Variants in UBR1 observed in about 807,000 individuals in gnomAD.
UBR1 encodes E3 ubiquitin-protein ligase UBR1.
Under a neutral mutation model 242.1 loss-of-function variants are expected in UBR1, and 102 were observed. The observed-to-expected ratio is 0.42, with a 90% confidence interval of 0.36 to 0.50. The LOEUF (loss-of-function observed/expected upper bound fraction) is 0.50, where lower values mean the gene tolerates loss of function less well. Among genes scored for constraint, UBR1 ranks in the 20% least tolerant of loss-of-function variants. The probability of loss-of-function intolerance (pLI) is 0.01; values close to 1 mark genes in which losing one functional copy is unlikely to be tolerated. For synonymous variants in UBR1, 675 were observed against 684.8 expected (o/e 0.99, Z 0.22); for missense variants, 1,772 against 2,101.8 (o/e 0.84, Z 3.07).
rs188034879 is a variant in UBR1 at position 42,979,637 on chromosome 15, G to A, written c.4151-1690C>T. On this transcript the variant is annotated intron_variant, in intron 37 of 46. Coordinates refer to ENST00000290650, the MANE Select transcript of UBR1 (RefSeq NM_174916.3). ...GCAATCTCGGCTCACTACAACCTCC[G>A]CCTCCTCGGTTCAAGCAATCCTCCT... 3.6e-3 allele frequency among the ~76,000 whole-genome samples: 540 copies of A among 152,090 alleles called. 3 individuals carry two copies. Among genetic ancestry groups the A allele is most frequent in the Non-Finnish European group, 5.4e-3 (367 of 67,984 alleles).
At chr15:43,027,551 A>C (rs1206485559) in intron 22 of UBR1, among the ~76,000 whole-genome samples, 1 of 152,164 alleles carries the variant, frequency 6.6e-6, no homozygotes, top group Admixed American at 6.5e-5. Flanking sequence ...ATCACCTAAT[A>C]TCATAAATGA....
At chr15:42,961,485 G>A (rs1382465245) in intron 42 of UBR1, among the ~76,000 whole-genome samples, 5 of 149,436 alleles carry the variant, frequency 3.3e-5, no homozygotes, top group South Asian at 4.2e-4. Context: ...GTGCAATGGC[G>A]CGATCTTGGC....
chr15:43,046,642 T>C (rs1392538894), intron 14 of UBR1, among the ~76,000 whole-genome samples: 2 of 152,080 alleles, frequency 1.3e-5, no homozygotes, highest in Non-Finnish European at 2.9e-5. Flanking sequence ...GATGAGGGAA[T>C]TTAACTTAGA....
At chr15:43,065,287 T>G (rs1448972679) in intron 6 of UBR1, among the ~76,000 whole-genome samples, 1 of 152,220 alleles carries the variant, frequency 6.6e-6, no homozygotes, top group African/African-American at 2.4e-5. Context: ...TCTATTCTTT[T>G]TGCCTTTTCT....
chr15:43,014,703 T>C (rs2032984555), intron 29 of UBR1, among the ~76,000 whole-genome samples: 1 of 150,172 alleles, frequency 6.7e-6, no homozygotes, highest in Admixed American at 6.6e-5. Context: ...ATCTGAGAAG[T>C]GAGGAGCCCC....
chr15:43,002,393 G>A (rs1461584685), intron 32 of UBR1, among the ~76,000 whole-genome samples, 162 bp downstream of exon 32: 2 of 148,718 alleles, frequency 1.3e-5, no homozygotes, highest in East Asian at 2.0e-4. Flanking sequence ...TTTTTTTTTT[G>A]TATTTTTTGT....
chr15:43,025,409 T>C lies in UBR1; in HGVS notation c.2556A>G (p.Lys852=). ...QHSKAEHMQK[K]RRKQENKDEA... The stretch of plus-strand genomic sequence containing the variant: ...CATCTTTGTTTTCTTGTTTTCTCCT[T>C]TTCTTCTGCATATGTTCAGCCTATA... Residue 852 remains lysine (K), a synonymous_variant, in exon 24 of 47, where the codon AAA becomes AAG. Coordinates refer to ENST00000290650, the MANE Select transcript of UBR1 (RefSeq NM_174916.3). The C allele has an allele frequency of 6.2e-7, 1 of 1,608,686 alleles. No homozygotes were observed. The highest frequency in any genetic ancestry group is 8.5e-7 in the Non-Finnish European group (1 of 1,177,438).
chr15:43,092,095 C>G (rs1567150536), intron 1 of UBR1: 1 of 430,410 alleles, frequency 2.3e-6, no homozygotes, highest in Admixed American at 2.7e-5. Flanking sequence ...AAAAACAAAA[C>G]AAATTATACT....
At chr15:43,010,521 T>G (rs190828976) in intron 29 of UBR1, among the ~76,000 whole-genome samples, 3 of 152,238 alleles carry the variant, frequency 2.0e-5, no homozygotes, top group African/African-American at 7.2e-5. Flanking sequence ...CTACATATAT[T>G]TGTATTAATA....
At chr15:43,021,176 G>C in intron 27 of UBR1, 99 bp downstream of exon 27, 1 of 897,010 alleles carries the variant, frequency 1.1e-6, no homozygotes. Flanking sequence ...AAAACCAGTA[G>C]TAAATGTCTA....
At chr15:43,088,523 T>A (rs2141362840) in intron 1 of UBR1, among the ~76,000 whole-genome samples, 1 of 152,158 alleles carries the variant, frequency 6.6e-6, no homozygotes, top group East Asian at 1.9e-4. Context: ...GAGATGAAAT[T>A]TCGCTCTTGT....
chr15:43,071,792 A>T (rs1475974053), intron 4 of UBR1, among the ~76,000 whole-genome samples: 1 of 152,214 alleles, frequency 6.6e-6, no homozygotes, highest in African/African-American at 2.4e-5. Context: ...TATGAAATCC[A>T]TTTGAATGCT....
chr15:43,074,596 AT>A (rs1338710052), intron 4 of UBR1, among the ~76,000 whole-genome samples: 19 of 152,054 alleles, frequency 1.2e-4, no homozygotes, highest in African/African-American at 4.3e-4. Context: ...CACCTGGCTA[AT>A]TTTTGTATTT....
intron 2 of UBR1, among the ~76,000 whole-genome samples, chr15:43,085,761 G>A (rs1366443631): frequency 1.3e-5 from 2 of 151,840 alleles, no homozygotes; most frequent in East Asian, 3.9e-4. Context: ...GCGGGTGCCT[G>A]TAATCCCAGC....
chr15:43,095,997 T>C (rs1349588678), intron 1 of UBR1, among the ~76,000 whole-genome samples: 5 of 152,218 alleles, frequency 3.3e-5, no homozygotes, highest in African/African-American at 1.2e-4. Flanking sequence ...AGTGCAATAG[T>C]ATGAAGTCTT....
At chr15:43,028,430 A>G (rs879669763) in intron 21 of UBR1, among the ~76,000 whole-genome samples, 1 of 152,118 alleles carries the variant, frequency 6.6e-6, no homozygotes, top group Non-Finnish European at 1.5e-5. Context: ...TTGTAAAGAT[A>G]AGAAAGGTAA....
intron 7 of UBR1, 91 bp from the exon 8 acceptor site, chr15:43,059,916 C>T: frequency 6.4e-7 from 1 of 1,560,966 alleles, no homozygotes; most frequent in Non-Finnish European, 8.8e-7. Context: ...ATCACATAAC[C>T]CTGCCAGTTC....
intron 45 of UBR1, among the ~76,000 whole-genome samples, chr15:42,950,933 G>C (rs2031823819): frequency 6.6e-6 from 1 of 152,198 alleles, no homozygotes; most frequent in Non-Finnish European, 1.5e-5. Context: ...TGGGGGATAA[G>C]TACTTTACAG....
chr15:43,102,048 G>A (rs2034243911), intron 1 of UBR1, among the ~76,000 whole-genome samples: 1 of 148,540 alleles, frequency 6.7e-6, no homozygotes, highest in Non-Finnish European at 1.5e-5. Context: ...GCTGAGGCAA[G>A]AGAATCACTT....
Sources: gnomAD v4.1 joint callset for allele counts (sites outside exome capture counted in the v4.1 genomes callset) on GRCh38, gnomAD v4.1.1 for gene constraint, MANE v1.5 for transcripts, NCBI Gene and HGNC (gene_info 2026-07-23, HGNC 2026-07-21) for gene names.